Variants in SUPT3H observed in about 807,000 individuals in gnomAD.
SUPT3H encodes the protein SPT3 homolog, SAGA and STAGA complex component.
Under a neutral mutation model 44.3 loss-of-function variants are expected in SUPT3H, and 44 were observed. The observed-to-expected ratio is 0.99, with a 90% CI of 0.78 to 1.28. SUPT3H has a LOEUF of 1.28. Among genes scored for constraint, SUPT3H ranks in the 50% most tolerant of loss-of-function variants. The pLI is 0.00. For missense variants in SUPT3H, 380 were observed against 387.1 expected (o/e 0.98, Z 0.15); for synonymous variants, 124 against 125.6 (o/e 0.99, Z 0.09).
At chr6:44,930,910 C>T (rs755253073) in intron 10 of SUPT3H, among the ~76,000 whole-genome samples, 1 of 152,096 alleles carries the variant, frequency 6.6e-6, no homozygotes, top group Non-Finnish European at 1.5e-5. Flanking sequence ...GCTTAAAGTG[C>T]ATTTTTATCA....
At chr6:44,850,563 A>G (rs1054849125) in intron 10 of SUPT3H, among the ~76,000 whole-genome samples, 1 of 152,200 alleles carries the variant, frequency 6.6e-6, no homozygotes, top group Non-Finnish European at 1.5e-5. Context: ...AGAAGCAATC[A>G]AAATAAAATG....
chr6:45,221,137 A>T (rs1425203545), intron 2 of SUPT3H, among the ~76,000 whole-genome samples: 1 of 152,110 alleles, frequency 6.6e-6, no homozygotes, highest in Non-Finnish European at 1.5e-5. Flanking sequence ...AAAACCAAAC[A>T]CTGCATGTTC....
chr6:45,344,985 T>C (rs1043773518), intron 2 of SUPT3H, among the ~76,000 whole-genome samples: 2 of 152,152 alleles, frequency 1.3e-5, no homozygotes, highest in Admixed American at 6.6e-5. Context: ...TAGAAATCTG[T>C]TTCACCTAGC....
intron 10 of SUPT3H, among the ~76,000 whole-genome samples, chr6:44,895,828 G>A (rs1764042801): frequency 6.6e-6 from 1 of 152,030 alleles, no homozygotes; most frequent in Admixed American, 6.6e-5. Flanking sequence ...AATGTAAAAT[G>A]AAGTTCATTC....
At chr6:45,021,999 A>G (rs1264986495) in intron 3 of SUPT3H, among the ~76,000 whole-genome samples, 1 of 152,056 alleles carries the variant, frequency 6.6e-6, no homozygotes, top group East Asian at 1.9e-4. Context: ...AGGCATGAAC[A>G]TATTTTTTCT....
At chr6:45,207,718 G>A (rs760917746) in intron 2 of SUPT3H, among the ~76,000 whole-genome samples, 17 of 152,214 alleles carry the variant, frequency 1.1e-4, no homozygotes, top group Non-Finnish European at 7.4e-5. Context: ...TGCTACCACT[G>A]TAATTGTTTG....
At chr6:45,170,138 A>C (rs1237512587) in intron 2 of SUPT3H, among the ~76,000 whole-genome samples, 1 of 152,224 alleles carries the variant, frequency 6.6e-6, no homozygotes, top group Non-Finnish European at 1.5e-5. Context: ...GTAGACTTCT[A>C]GGTAAGAAAA....
At chr6:45,008,439 C>A (rs1044746013) in intron 5 of SUPT3H, among the ~76,000 whole-genome samples, 1 of 152,158 alleles carries the variant, frequency 6.6e-6, no homozygotes, top group Non-Finnish European at 1.5e-5. Flanking sequence ...ACTGCAGCCT[C>A]TAACTCCTGG....
intron 3 of SUPT3H, among the ~76,000 whole-genome samples, chr6:45,028,303 A>G (rs1786347526): frequency 6.6e-6 from 1 of 152,198 alleles, no homozygotes; most frequent in South Asian, 2.1e-4. Flanking sequence ...GTACTGGGAT[A>G]AAATTATGCC....
At chr6:45,084,950 G>A (rs1292985559) in intron 3 of SUPT3H, among the ~76,000 whole-genome samples, 2 of 152,092 alleles carry the variant, frequency 1.3e-5, no homozygotes, top group Admixed American at 1.3e-4. Flanking sequence ...ACAGACACTG[G>A]GAACTATAGG....
chr6:44,846,185 C>A (rs892395343), intron 10 of SUPT3H, among the ~76,000 whole-genome samples: 2 of 152,200 alleles, frequency 1.3e-5, no homozygotes, highest in Non-Finnish European at 2.9e-5. Context: ...CATTTCAGTA[C>A]CATCCCTGAT....
At chr6:45,284,158 A>C (rs1017830166) in intron 2 of SUPT3H, among the ~76,000 whole-genome samples, 1 of 152,222 alleles carries the variant, frequency 6.6e-6, no homozygotes. Flanking sequence ...TCTAAAATTG[A>C]CACCCTAACA....
intron 3 of SUPT3H, among the ~76,000 whole-genome samples, chr6:45,084,741 G>A (rs1325739870): frequency 6.6e-6 from 1 of 152,090 alleles, no homozygotes; most frequent in African/African-American, 2.4e-5. Context: ...ATTGGATAAA[G>A]CAAGTGTGTT....
chr6:45,184,775 GAAAAAAAA>G (rs55652227), intron 2 of SUPT3H, among the ~76,000 whole-genome samples: 10 of 128,582 alleles, frequency 7.8e-5, no homozygotes, highest in African/African-American at 2.4e-4. Flanking sequence ...ACAGGCAGAG[GAAAAAAAA>G]AAAAAAAAAA....
At chr6:45,240,078 G>T (rs2153646009) in intron 2 of SUPT3H, among the ~76,000 whole-genome samples, 1 of 152,266 alleles carries the variant, frequency 6.6e-6, no homozygotes, top group Non-Finnish European at 1.5e-5. Flanking sequence ...TTGGGGTAGA[G>T]GTTATGCTTG....
chr6:45,139,675 T>C (rs945957018), intron 2 of SUPT3H, among the ~76,000 whole-genome samples: 2 of 152,036 alleles, frequency 1.3e-5, no homozygotes, highest in African/African-American at 4.8e-5. Context: ...AAAGCTGAAA[T>C]GTATTAGGGA....
chr6:45,081,667 C>T (rs1795836259), intron 3 of SUPT3H, among the ~76,000 whole-genome samples: 1 of 152,122 alleles, frequency 6.6e-6, no homozygotes, highest in Admixed American at 6.5e-5. Flanking sequence ...TATATATACA[C>T]TATAATTGTG....
chr6:45,096,056 C>T (rs1290145220), intron 3 of SUPT3H, among the ~76,000 whole-genome samples: 1 of 152,038 alleles, frequency 6.6e-6, no homozygotes, highest in East Asian at 1.9e-4. Context: ...ATTTCATTAA[C>T]TCCTTCATAT....
intron 2 of SUPT3H, among the ~76,000 whole-genome samples, chr6:45,363,199 T>G (rs903049487): frequency 1.3e-5 from 2 of 152,092 alleles, no homozygotes; most frequent in Non-Finnish European, 2.9e-5. Context: ...AGACAACAGA[T>G]AGATGAATAA....
Sources: allele counts gnomAD v4.1 joint callset (sites outside exome capture counted in the v4.1 genomes callset), GRCh38; gene constraint gnomAD v4.1.1; transcripts MANE v1.5; gene names NCBI Gene and HGNC (gene_info 2026-07-23, HGNC 2026-07-21).